SEC22B: variants seen among roughly 807,000 people sequenced by gnomAD.
SEC22B encodes the protein vesicle-trafficking protein SEC22b.
A neutral mutation model predicts 31.4 loss-of-function variants in SEC22B; 10 were observed. That is an observed-to-expected ratio of 0.32 (90% CI 0.20 to 0.54). The LOEUF (loss-of-function observed/expected upper bound fraction) is 0.54. Ranked by LOEUF, SEC22B falls within the 20% of genes least tolerant of loss-of-function variation. The probability of loss-of-function intolerance (pLI) is 0.94; values close to 1 mark genes in which losing one functional copy is unlikely to be tolerated. For missense variants in SEC22B, 130 were observed against 263.4 expected, an observed-to-expected ratio of 0.49 and a Z score of 3.50; for synonymous variants, 60 against 95.9, an observed-to-expected ratio of 0.63 and a Z score of 2.19.
chr1:120,167,274 A>G (rs1166653407), intron 2 of SEC22B, among the ~76,000 whole-genome samples: 2 of 151,724 alleles, frequency 1.3e-5, no homozygotes, highest in African/African-American at 2.4e-5. Context: ...ATGGTATTAT[A>G]TTTACAGCCT....
Position 120,160,458 on chromosome 1 carries a change from G to C in SEC22B, c.419C>G (p.Thr140Ser). Residue 140 changes from threonine (T) to serine (S), a missense_variant, in exon 4 of 5, where the codon ACT (threonine) becomes AGT (serine). By Grantham distance (58) the Thr-to-Ser change is moderately conservative (BLOSUM62 1). Around this residue, in one of 4 missense-constraint regions of SEC22B, gnomAD observed 53 missense variants for 63.3 expected, o/e 0.84. Transcript: ENST00000578049. ...GATCCTCTGCACATCTTGCAATTCA[G>C]TGTTGATGGAGCCTAGATTTCTTCG... is the stretch of plus-strand genomic sequence containing the variant. ...RARRNLGSINTELQDVQRIMV... is the reference protein window; with the variant it reads ...RARRNLGSINSELQDVQRIMV... The C allele has an allele frequency of 6.2e-7, 1 of 1,611,994 alleles. No homozygotes were observed. The highest frequency in any genetic ancestry group is 8.5e-7 in the Non-Finnish European group (1 of 1,178,700).
At chr1:120,169,529 C>A (rs1176296094) in intron 1 of SEC22B, among the ~76,000 whole-genome samples, 4 of 152,238 alleles carry the variant, frequency 2.6e-5, no homozygotes, top group Admixed American at 6.5e-5. Context: ...CTATTTGGTT[C>A]CCAAGTTTGG....
chr1:120,167,267 GTATTA>G (rs1657827483), intron 2 of SEC22B, among the ~76,000 whole-genome samples: 1 of 151,238 alleles, frequency 6.6e-6, no homozygotes. Context: ...ATACTCCATG[GTATTA>G]TATTTACAGC....
chr1:120,164,501 TATAA>T (rs1393980070), intron 2 of SEC22B, among the ~76,000 whole-genome samples: 2 of 150,068 alleles, frequency 1.3e-5, no homozygotes, highest in Admixed American at 6.7e-5. Context: ...CTTATAAACT[TATAA>T]ATGAGAATAT....
intron 1 of SEC22B, among the ~76,000 whole-genome samples, chr1:120,175,396 T>A (rs1185824164): frequency 7.7e-6 from 1 of 129,100 alleles, no homozygotes; most frequent in East Asian, 2.2e-4. Context: ...TTTCAATATC[T>A]CATCTTTTTT....
chr1:120,160,585 T>C (rs1657699151), intron 3 of SEC22B, 55 bp from the exon 4 acceptor site: 2 of 1,484,472 alleles, frequency 1.3e-6, no homozygotes, highest in Admixed American at 4.7e-5. Context: ...AGTACTGAGG[T>C]AGGAGATTAA....
In SEC22B at chr1:120,155,769, T is replaced by TA. The variant is rs1336494070; in HGVS notation, c.*1268dup. On this transcript the variant is annotated 3_prime_UTR_variant, in exon 5 of 5. Transcript: ENST00000578049. Reference sequence around the variant, plus strand: ...TATTTAAAAGGCCTATTTTCCCCATTAAAAAATTCTACCTCAGAAGGTAAA... The same window carrying TA: ...TATTTAAAAGGCCTATTTTCCCCATTAAAAAAATTCTACCTCAGAAGGTAAA... The TA allele has an allele frequency of 6.6e-6, 1 of 152,058 alleles. No homozygotes were observed. Among genetic ancestry groups the TA allele is most frequent in the South Asian group, 2.1e-4 (1 of 4,830 alleles). The allele number at this position is 152,058 out of a possible 1,614,324, so 9.4% of individuals were successfully genotyped here.
At chr1:120,166,752 A>C (rs1657818572) in intron 2 of SEC22B, among the ~76,000 whole-genome samples, 2 of 149,610 alleles carry the variant, frequency 1.3e-5, no homozygotes, top group South Asian at 4.2e-4. Context: ...GCTAGCTATA[A>C]CTTACCACGT....
chr1:120,166,345 TAATC>T (rs1657807016), intron 2 of SEC22B, among the ~76,000 whole-genome samples: 1 of 150,032 alleles, frequency 6.7e-6, no homozygotes, highest in Admixed American at 6.6e-5. Flanking sequence ...TATGGATAGA[TAATC>T]AAGAGAAATG....
intron 4 of SEC22B, 129 bp from the exon 5 acceptor site, chr1:120,157,321 C>T (rs1657642690): frequency 7.7e-6 from 5 of 649,512 alleles, no homozygotes; most frequent in South Asian, 4.2e-5. Flanking sequence ...TATTTTAAGG[C>T]TAACATTGCA....
chr1:120,156,242 T>C lies in SEC22B; in HGVS notation c.*796A>G, dbSNP rs1211466745. On this transcript the variant is annotated 3_prime_UTR_variant, in exon 5 of 5. Coordinates refer to ENST00000578049, the MANE Select transcript of SEC22B (RefSeq NM_004892.6). ...TCATGAAGCCAGGGGCCTCTCCATA[T>C]CCTATACTTGCTCTTACGCTAATAA... 3 of 152,184 alleles carry C rather than the reference T, an allele frequency of 2.0e-5. No homozygotes were observed. The highest frequency in any genetic ancestry group is 2.9e-5 in the Non-Finnish European group (2 of 68,000). 9.4% of individuals were successfully genotyped at this position (152,184 alleles called of 1,614,324 possible). A position where few individuals can be genotyped will look rare whatever the true frequency, so the allele number is the denominator to read the frequency against.
chr1:120,170,777 G>A (rs1322140056), intron 1 of SEC22B, among the ~76,000 whole-genome samples: 1 of 148,142 alleles, frequency 6.8e-6, no homozygotes, highest in African/African-American at 2.6e-5. Flanking sequence ...TATATGGCCA[G>A]CCAGTAAGAG....
At chr1:120,163,519 G>C in intron 2 of SEC22B, 149 bp from the exon 3 acceptor site, 1 of 375,104 alleles carries the variant, frequency 2.7e-6, no homozygotes, top group Non-Finnish European at 4.5e-6. Flanking sequence ...ATTTAAAACC[G>C]CAAATCCTTG....
intron 1 of SEC22B, among the ~76,000 whole-genome samples, chr1:120,175,613 A>T (rs1657945302): frequency 6.6e-6 from 1 of 152,198 alleles, no homozygotes; most frequent in Non-Finnish European, 1.5e-5. Context: ...GCTGTTTTTA[A>T]TCAATTCAGT....
At chr1:120,166,721 C>A in intron 2 of SEC22B, among the ~76,000 whole-genome samples, 1 of 149,690 alleles carries the variant, frequency 6.7e-6, no homozygotes, top group East Asian at 1.9e-4. Context: ...TGGTGTTCTG[C>A]AGAACTGTAG....
In SEC22B at chr1:120,176,368, G is replaced by T; in HGVS notation, c.14C>A (p.Thr5Lys). The T allele has an allele frequency of 1.2e-6, 2 of 1,613,802 alleles. No individual in the cohort carries two copies. Among genetic ancestry groups the T allele is most frequent in the South Asian group, 2.2e-5 (2 of 91,056 alleles). MVLL[T>K]MIARVADGLP... Reference sequence around the variant, plus strand: ...CCCGTCCGCCACTCGGGCGATCATTGTTAGCAACACCATCTTCACAAACTA... The same window carrying T: ...CCCGTCCGCCACTCGGGCGATCATTTTTAGCAACACCATCTTCACAAACTA... The change falls in exon 1 of 5, where the codon ACA becomes AAA. Residue 5 changes from threonine to lysine, a missense_variant. By Grantham distance (78) the Thr-to-Lys change is moderately conservative. Around this residue, in one of 4 missense-constraint regions of SEC22B, gnomAD observed 32 missense variants for 26.3 expected, o/e 1.22. Coordinates refer to ENST00000578049, the MANE Select transcript of SEC22B (RefSeq NM_004892.6).
rs1335643335 is a variant in SEC22B, at chr1:120,152,715, TAAA to T, written c.*4320_*4322del. 1.4e-5 allele frequency: 2 copies of T among 138,004 alleles called. No individual in the cohort carries two copies. The highest frequency in any genetic ancestry group is 3.0e-5 in the Non-Finnish European group (2 of 67,154). The allele number at this position is 138,004 out of a possible 1,614,324, so 8.5% of individuals were successfully genotyped here. A position where few individuals can be genotyped will look rare whatever the true frequency, so the allele number is the denominator to read the frequency against. The stretch of plus-strand genomic sequence containing the variant: ...AGTAAATTTAAAAAGTACGGAATAA[TAAA>T]AAGAAATTGCAAAAAATAACTTTTG... On this transcript the variant is annotated 3_prime_UTR_variant, in exon 5 of 5. Coordinates refer to ENST00000578049, the MANE Select transcript of SEC22B (RefSeq NM_004892.6).
chr1:120,176,321 G>T lies in SEC22B; in HGVS notation c.61C>A (p.Gln21Lys). The T allele has an allele frequency of 6.2e-7, 1 of 1,611,862 alleles. No homozygotes were observed. Among genetic ancestry groups the T allele is most frequent in the South Asian group, 1.1e-5 (1 of 90,966 alleles). The change falls in exon 1 of 5, where the codon CAG (glutamine) becomes AAG (lysine). Residue 21 changes from glutamine (Q) to lysine (K), a missense_variant. By Grantham distance (53) the Gln-to-Lys change is moderately conservative (BLOSUM62 1). Around this residue, in one of 4 missense-constraint regions of SEC22B, gnomAD observed 41 missense variants for 124.9 expected, o/e 0.33. Coordinates refer to ENST00000578049, the MANE Select transcript of SEC22B (RefSeq NM_004892.6). ...ADGLPLAASM[Q>K]EDEQSGRDLQ... ...AAGCAGCTCACCTGTTCGTCCTCCT[G>T]CATCGAGGCGGCCAGCGGGAGCCCG...
At position 120,160,458 on chromosome 1, in the gene SEC22B, G is replaced by T; in HGVS notation, c.419C>A (p.Thr140Asn). Residue 140 changes from threonine to asparagine, a missense_variant, in exon 4 of 5, where the codon ACT (threonine) becomes AAT (asparagine). This residue lies in a region of SEC22B where 53 missense variants were observed against 63.3 expected (regional missense o/e 0.84). Coordinates refer to ENST00000578049, the MANE Select transcript of SEC22B (RefSeq NM_004892.6). ...GATCCTCTGCACATCTTGCAATTCA[G>T]TGTTGATGGAGCCTAGATTTCTTCG... ...RARRNLGSIN[T>N]ELQDVQRIMV... The T allele has an allele frequency of 6.2e-7, 1 of 1,611,994 alleles. No individual in the cohort carries two copies. Among genetic ancestry groups the T allele is most frequent in the East Asian group, 2.2e-5 (1 of 44,836 alleles).
Sources: gnomAD v4.1 joint callset for allele counts (sites outside exome capture counted in the v4.1 genomes callset) on GRCh38, gnomAD v4.1.1 for gene constraint, gnomAD v4.1.1 regional missense constraint, MANE v1.5 for transcripts, NCBI Gene and HGNC (gene_info 2026-07-23, HGNC 2026-07-21) for gene names.